Variants in COL5A2 observed in about 807,000 individuals in gnomAD.
COL5A2 encodes collagen type V alpha 2 chain.
COL5A2 carries 23 observed loss-of-function variants against 208.2 expected under a neutral mutation model. The ratio of observed to expected loss-of-function variants is 0.11; its 90% confidence interval spans 0.08 to 0.16. The LOEUF (loss-of-function observed/expected upper bound fraction) is 0.16. Among genes scored for constraint, COL5A2 ranks in the 10% least tolerant of loss-of-function variants. The pLI, the probability that COL5A2 is intolerant of heterozygous loss-of-function variation, is 1.00. For synonymous variants in COL5A2, 625 were observed against 628.5 expected, an observed-to-expected ratio of 0.99 and a Z score of 0.08; for missense variants, 1,590 against 1,956.4, an observed-to-expected ratio of 0.81 and a Z score of 3.53.
At chr2:189,438,667 G>A in the COL5A2 span, among the ~76,000 whole-genome samples, 1 of 152,172 alleles carries the variant, frequency 6.6e-6, no homozygotes, top group African/African-American at 2.4e-5. Context: ...CAGGGGATAG[G>A]TCTTGGGGAG....
chr2:189,255,096 C>T, the COL5A2 span, among the ~76,000 whole-genome samples: 1 of 152,220 alleles, frequency 6.6e-6, no homozygotes, highest in Non-Finnish European at 1.5e-5. Flanking sequence ...AGGCTATCCA[C>T]ATTCTTTTCC....
At chr2:189,191,163 C>CCAAAAAAAAAAAAAAA (rs748055610) in intron 1 of COL5A2, among the ~76,000 whole-genome samples, 8 of 72,304 alleles carry the variant, frequency 1.1e-4, no homozygotes, top group East Asian at 1.2e-3. Context: ...AAAAAACAAA[C>CCAAAAAAAAAAAAAAA]AAACAACAAA....
chr2:189,277,161 G>T, the COL5A2 span, among the ~76,000 whole-genome samples: 32 of 151,994 alleles, frequency 2.1e-4, no homozygotes, highest in African/African-American at 7.7e-4. Context: ...ACATAATTTG[G>T]GGACCAAACT....
chr2:189,046,058 T>G (rs1685660910), intron 45 of COL5A2, 151 bp from the exon 46 acceptor site: 1 of 475,176 alleles, frequency 2.1e-6, no homozygotes, highest in South Asian at 3.4e-5. Flanking sequence ...TTACTTATAT[T>G]TATTAATTAA....
the COL5A2 span, among the ~76,000 whole-genome samples, chr2:189,419,722 G>A: frequency 3.2e-4 from 49 of 152,016 alleles, 1 homozygote; most frequent in South Asian, 8.3e-3. Flanking sequence ...CCTGACCCCA[G>A]GACTTTGAGG....
chr2:189,232,623 C>G, the COL5A2 span, among the ~76,000 whole-genome samples: 2 of 151,694 alleles, frequency 1.3e-5, no homozygotes, highest in South Asian at 4.2e-4. Context: ...TTTATGTCCC[C>G]CGCAAATTCA....
intron 1 of COL5A2, among the ~76,000 whole-genome samples, chr2:189,129,227 G>A (rs540664642): frequency 6.6e-6 from 1 of 152,002 alleles, no homozygotes; most frequent in African/African-American, 2.4e-5. Context: ...GATGGCTAGC[G>A]ATACTAAAGC....
At chr2:189,285,660 T>C in the COL5A2 span, among the ~76,000 whole-genome samples, 1 of 152,178 alleles carries the variant, frequency 6.6e-6, no homozygotes, top group African/African-American at 2.4e-5. Flanking sequence ...GCAGCTCTGC[T>C]TCTGATCAGG....
chr2:189,129,760 A>G (rs1449032252), intron 1 of COL5A2, among the ~76,000 whole-genome samples: 3 of 152,052 alleles, frequency 2.0e-5, no homozygotes, highest in Non-Finnish European at 4.4e-5. Flanking sequence ...TCAGCCATTT[A>G]CCAAATACAC....
At chr2:189,299,410 C>A in the COL5A2 span, among the ~76,000 whole-genome samples, 3 of 152,058 alleles carry the variant, frequency 2.0e-5, no homozygotes, top group African/African-American at 7.2e-5. Context: ...AACCCCAGAC[C>A]CATGAGCCCA....
rs574131028 is a variant in COL5A2 at position 189,223,482 on chromosome 2, G to A, written c.-42+1666C>T. Among the ~76,000 whole-genome samples the A allele has an allele frequency of 5.6e-4, 85 of 152,282 alleles. 1 individual carries two copies. The South Asian group carries it at 0.016, about 29-fold the overall frequency. ...AAGTCTAGAAAAAGCCAATGAACTT[G>A]TAGAGGAATATGTGTGTTCATGAAA... On this transcript the variant is annotated intron_variant, in intron 1 of 10. Transcript: ENST00000649966.
At position 189,051,520 on chromosome 2, in the gene COL5A2, T is replaced by C. The variant is rs765391461; in HGVS notation, c.2770-39A>G. On this transcript the variant is annotated intron_variant, in intron 41 of 53. Coordinates refer to ENST00000374866, the MANE Select transcript of COL5A2 (RefSeq NM_000393.5). Reference sequence around the variant, plus strand: ...GAAAGAAACACCAAGGAGGGCAAAATGGAAGGCAAGTAAGAGTGATTGACA... The same window carrying C: ...GAAAGAAACACCAAGGAGGGCAAAACGGAAGGCAAGTAAGAGTGATTGACA... The C allele has an allele frequency of 4.2e-5, 66 of 1,574,938 alleles. No individual in the cohort carries two copies. In the South Asian group the frequency reaches 7.1e-4, roughly 17 times the overall value.
intron 21 of COL5A2, 125 bp downstream of exon 21, chr2:189,067,890 C>T (rs1314681696): frequency 1.2e-6 from 1 of 808,814 alleles, no homozygotes; most frequent in African/African-American, 1.7e-5. Flanking sequence ...CACAAAGACT[C>T]CCATCTTCCC....
chr2:189,136,315 GA>G (rs1687825028), intron 1 of COL5A2, among the ~76,000 whole-genome samples: 1 of 151,356 alleles, frequency 6.6e-6, no homozygotes, highest in Non-Finnish European at 1.5e-5. Context: ...AAAAATACCT[GA>G]GTACAAATTT....
the COL5A2 span, among the ~76,000 whole-genome samples, chr2:189,253,775 A>T: frequency 6.6e-6 from 1 of 152,202 alleles, no homozygotes; most frequent in African/African-American, 2.4e-5. Context: ...CTGAACTTTC[A>T]CAGGACTTCA....
At chr2:189,432,486 G>A in the COL5A2 span, among the ~76,000 whole-genome samples, 1 of 152,090 alleles carries the variant, frequency 6.6e-6, no homozygotes, top group Non-Finnish European at 1.5e-5. Flanking sequence ...GATGGAGGAA[G>A]ACCTACCAAG....
chr2:189,095,671 G>A (rs1019362292), intron 6 of COL5A2, among the ~76,000 whole-genome samples: 3 of 152,070 alleles, frequency 2.0e-5, no homozygotes, highest in South Asian at 2.1e-4. Flanking sequence ...CAGGAACTCT[G>A]GAAGTCTGGT....
At chr2:189,075,140 C>T (rs1686377113) in intron 17 of COL5A2, among the ~76,000 whole-genome samples, 1 of 152,128 alleles carries the variant, frequency 6.6e-6, no homozygotes, top group Admixed American at 6.5e-5. Flanking sequence ...ACTTATCTTT[C>T]AGGACTTGGC....
chr2:189,363,612 T>G, the COL5A2 span, among the ~76,000 whole-genome samples: 3 of 152,142 alleles, frequency 2.0e-5, no homozygotes, highest in Non-Finnish European at 4.4e-5. Context: ...CAATTTAAAT[T>G]CAATGAATTC....
Sources: gnomAD v4.1 joint callset for allele counts (sites outside exome capture counted in the v4.1 genomes callset) on GRCh38, gnomAD v4.1.1 for gene constraint, MANE v1.5 for transcripts, NCBI Gene and HGNC (gene_info 2026-07-23, HGNC 2026-07-21) for gene names.